The following ZNF804B variants were observed in gnomAD, a reference collection of about 807,000 sequenced individuals.
ZNF804B encodes the protein zinc finger protein 804B.
ZNF804B carries 80 observed loss-of-function variants against 101.4 expected under a neutral mutation model. That is an observed-to-expected ratio of 0.79 (90% CI 0.66 to 0.95). The LOEUF (loss-of-function observed/expected upper bound fraction) is 0.95, where lower values mean the gene tolerates loss of function less well. Among genes scored for constraint, ZNF804B ranks in the 40% least tolerant of loss-of-function variants. ZNF804B has a pLI of 0.00. For synonymous variants in ZNF804B, 622 were observed against 558.8 expected (o/e 1.11, Z -1.59); for missense variants, 1,673 against 1,561.9 (o/e 1.07, Z -1.20).
At chr7:88,811,985 A>C (rs1159683292) in intron 1 of ZNF804B, among the ~76,000 whole-genome samples, 1 of 152,066 alleles carries the variant, frequency 6.6e-6, no homozygotes, top group African/African-American at 2.4e-5. Flanking sequence ...AAAATTGAGA[A>C]CTTTTTGATG....
chr7:88,873,243 T>G (rs970689364), intron 1 of ZNF804B, among the ~76,000 whole-genome samples: 1 of 152,250 alleles, frequency 6.6e-6, no homozygotes, highest in African/African-American at 2.4e-5. Context: ...TTTTTTCATG[T>G]GTTTTTTGGC....
intron 1 of ZNF804B, among the ~76,000 whole-genome samples, chr7:88,935,570 G>T (rs1792953837): frequency 6.6e-6 from 1 of 151,602 alleles, no homozygotes; most frequent in South Asian, 2.1e-4. Flanking sequence ...TTACTTTCAA[G>T]TGTAGGGTGG....
intron 1 of ZNF804B, among the ~76,000 whole-genome samples, chr7:88,770,479 C>A (rs1396641447): frequency 6.6e-6 from 1 of 152,130 alleles, no homozygotes; most frequent in Non-Finnish European, 1.5e-5. Context: ...AAAATCACAG[C>A]CTTACTAACA....
chr7:88,878,728 A>G (rs1334506828), intron 1 of ZNF804B, among the ~76,000 whole-genome samples: 1 of 152,214 alleles, frequency 6.6e-6, no homozygotes, highest in African/African-American at 2.4e-5. Flanking sequence ...TTTAACTAAT[A>G]CAAATGCATC....
intron 1 of ZNF804B, among the ~76,000 whole-genome samples, chr7:88,917,484 G>A (rs117034070): frequency 0.014 from 2,096 of 152,098 alleles, 23 homozygotes; most frequent in Middle Eastern, 0.041. Context: ...CAATATTTTG[G>A]TCTGGTACAC....
At position 88,794,228 on chromosome 7, in the gene ZNF804B, T is replaced by C. The variant is rs1216455688; in HGVS notation, c.108+34144T>C. On this transcript the variant is annotated intron_variant, in intron 1 of 3. Coordinates refer to ENST00000333190, the MANE Select transcript of ZNF804B (RefSeq NM_181646.5). ...CATACCACCTCAGAATCCAGAGTGA[T>C]GTGTATGGGTCTATTATACATGTTT... The C allele has an allele frequency of 1.9e-6, 3 of 1,613,152 alleles. No individual in the cohort carries two copies. The African/African-American group carries it at 4.0e-5, about 22-fold the overall frequency.
intron 1 of ZNF804B, among the ~76,000 whole-genome samples, chr7:89,172,606 A>G (rs530243497): frequency 4.6e-5 from 7 of 152,194 alleles, no homozygotes; most frequent in Non-Finnish European, 8.8e-5. Context: ...TTTTATAGCA[A>G]TGTAACAAAT....
chr7:89,156,019 CCTTTCTTT>C (rs58720640), intron 1 of ZNF804B, among the ~76,000 whole-genome samples: 6,909 of 121,504 alleles, frequency 0.057, 252 homozygotes, highest in Non-Finnish European at 0.06. Flanking sequence ...TTCTCTCTTT[CCTTTCTTT>C]CTTTCTTTCT....
At chr7:89,242,120 T>C (rs989472025) in intron 2 of ZNF804B, among the ~76,000 whole-genome samples, 2 of 151,984 alleles carry the variant, frequency 1.3e-5, no homozygotes, top group Non-Finnish European at 2.9e-5. Flanking sequence ...TGTTAACTTA[T>C]TTATCTCATT....
chr7:88,923,275 T>G (rs1175240573), intron 1 of ZNF804B, among the ~76,000 whole-genome samples: 1 of 152,066 alleles, frequency 6.6e-6, no homozygotes, highest in African/African-American at 2.4e-5. Flanking sequence ...CATAGAACTC[T>G]CTGATAATGA....
At chr7:89,034,514 A>G (rs1299418231) in intron 1 of ZNF804B, among the ~76,000 whole-genome samples, 1 of 151,622 alleles carries the variant, frequency 6.6e-6, no homozygotes, top group Non-Finnish European at 1.5e-5. Context: ...GGTTTTCTGT[A>G]TCTGTGTTAG....
intron 1 of ZNF804B, among the ~76,000 whole-genome samples, chr7:89,150,616 A>G (rs1003614794): frequency 6.6e-6 from 1 of 152,160 alleles, no homozygotes; most frequent in Non-Finnish European, 1.5e-5. Context: ...TATAGAGAGG[A>G]TATATGTCCA....
At chr7:89,237,477 G>T (rs1789302461) in intron 2 of ZNF804B, among the ~76,000 whole-genome samples, 1 of 152,198 alleles carries the variant, frequency 6.6e-6, no homozygotes, top group Non-Finnish European at 1.5e-5. Context: ...ATGATGATGA[G>T]TTCAGATGAA....
At chr7:89,082,624 A>C (rs866865676) in intron 1 of ZNF804B, among the ~76,000 whole-genome samples, 1 of 151,794 alleles carries the variant, frequency 6.6e-6, no homozygotes, top group Non-Finnish European at 1.5e-5. Flanking sequence ...ACTAGGTTGC[A>C]GATGAGGTAG....
chr7:88,847,573 T>C (rs1272541644), intron 1 of ZNF804B, among the ~76,000 whole-genome samples: 1 of 152,198 alleles, frequency 6.6e-6, no homozygotes, highest in Admixed American at 6.5e-5. Context: ...AAATATTTTC[T>C]TCAATTAAAG....
chr7:88,942,704 G>C (rs1008654516), intron 1 of ZNF804B, among the ~76,000 whole-genome samples: 1 of 151,522 alleles, frequency 6.6e-6, no homozygotes, highest in African/African-American at 2.4e-5. Flanking sequence ...GTTAGACCAC[G>C]TGTTACCATC....
chr7:88,877,047 ATATTTTTTTTT>A (rs1401041707), intron 1 of ZNF804B, among the ~76,000 whole-genome samples: 2 of 28,762 alleles, frequency 7.0e-5, no homozygotes, highest in East Asian at 9.7e-4. Flanking sequence ...ATATATATAT[ATATTTTTTTTT>A]TTTTTTTTTT....
At chr7:89,004,101 T>G (rs1375537009) in intron 1 of ZNF804B, among the ~76,000 whole-genome samples, 1 of 151,334 alleles carries the variant, frequency 6.6e-6, no homozygotes, top group Non-Finnish European at 1.5e-5. Flanking sequence ...CAGATTTTAT[T>G]TTTATTGTGG....
intron 1 of ZNF804B, among the ~76,000 whole-genome samples, chr7:89,046,289 G>C (rs1789104846): frequency 6.6e-6 from 1 of 151,998 alleles, no homozygotes; most frequent in African/African-American, 2.4e-5. Context: ...GTTCTTTATA[G>C]CAGCATCAGA....
Sources: allele counts gnomAD v4.1 joint callset (sites outside exome capture counted in the v4.1 genomes callset), GRCh38; gene constraint gnomAD v4.1.1; transcripts MANE v1.5; gene names NCBI Gene and HGNC (gene_info 2026-07-23, HGNC 2026-07-21).